The following SFMBT2 variants were observed in gnomAD, a reference collection of about 807,000 sequenced individuals.
SFMBT2 encodes scm-like with four MBT domains protein 2.
A neutral mutation model predicts 110.1 loss-of-function variants in SFMBT2; 38 were observed. That is an observed-to-expected ratio of 0.35 (90% CI 0.27 to 0.45). The LOEUF (loss-of-function observed/expected upper bound fraction) is 0.45. SFMBT2 is among the 20% of genes least tolerant of loss of function. The pLI, the probability that SFMBT2 is intolerant of heterozygous loss-of-function variation, is 1.00. For missense variants in SFMBT2, 1,011 were observed against 1,094.9 expected (o/e 0.92, Z 1.08); for synonymous variants, 425 against 425.4 (o/e 1.00, Z 0.01).
At chr10:7,387,872 C>T (rs1845656902) in intron 1 of SFMBT2, among the ~76,000 whole-genome samples, 1 of 150,566 alleles carries the variant, frequency 6.6e-6, no homozygotes, top group East Asian at 1.9e-4. Flanking sequence ...TGCTTGAACC[C>T]GGGAGGCAGA....
intron 15 of SFMBT2, among the ~76,000 whole-genome samples, chr10:7,196,595 A>G (rs1046690174): frequency 1.3e-5 from 2 of 152,214 alleles, no homozygotes; most frequent in African/African-American, 4.8e-5. Flanking sequence ...CAGAAGGCAG[A>G]GCCTATTTCT....
intron 1 of SFMBT2, among the ~76,000 whole-genome samples, chr10:7,406,069 G>T (rs1846202975): frequency 6.6e-6 from 1 of 151,378 alleles, no homozygotes. Flanking sequence ...TGCCATTTTG[G>T]TACAAAAACC....
intron 4 of SFMBT2, among the ~76,000 whole-genome samples, chr10:7,363,437 C>T (rs1844790421): frequency 6.6e-6 from 1 of 152,010 alleles, no homozygotes; most frequent in Non-Finnish European, 1.5e-5. Flanking sequence ...CAACCTTTGC[C>T]TCCTGGGTTC....
At chr10:7,272,018 C>T (rs566955193) in intron 7 of SFMBT2, among the ~76,000 whole-genome samples, 32 of 152,182 alleles carry the variant, frequency 2.1e-4, no homozygotes, top group South Asian at 1.0e-3. Context: ...GTACAAAGGG[C>T]GTTACAGAAA....
At chr10:7,321,808 G>C (rs1268382101) in intron 4 of SFMBT2, among the ~76,000 whole-genome samples, 2 of 152,178 alleles carry the variant, frequency 1.3e-5, no homozygotes, top group African/African-American at 4.8e-5. Context: ...ACTCAGCACT[G>C]AGTCCATCCA....
intron 2 of SFMBT2, among the ~76,000 whole-genome samples, chr10:7,372,907 G>A (rs1334164032): frequency 6.6e-6 from 1 of 152,214 alleles, no homozygotes; most frequent in African/African-American, 2.4e-5. Context: ...GCCCTAGCCT[G>A]TGTCAGTAAC....
chr10:7,325,453 A>G (rs1461571233), intron 4 of SFMBT2, among the ~76,000 whole-genome samples: 1 of 152,188 alleles, frequency 6.6e-6, no homozygotes, highest in Non-Finnish European at 1.5e-5. Flanking sequence ...CTGCTTAGTC[A>G]TCACCTCTGT....
At chr10:7,292,821 C>T (rs1035977570) in intron 4 of SFMBT2, among the ~76,000 whole-genome samples, 4 of 151,880 alleles carry the variant, frequency 2.6e-5, no homozygotes, top group African/African-American at 7.3e-5. Flanking sequence ...GTTCAAGACC[C>T]GTCTCTACTA....
chr10:7,199,558 G>T (rs1430137813), intron 14 of SFMBT2, among the ~76,000 whole-genome samples: 1 of 152,114 alleles, frequency 6.6e-6, no homozygotes, highest in Non-Finnish European at 1.5e-5. Flanking sequence ...ACTATGAAAG[G>T]GTAGCTGTCA....
chr10:7,342,396 C>CTTT lies in SFMBT2; in HGVS notation c.436+25250_436+25252dup, dbSNP rs71382101. Among the ~76,000 whole-genome samples, 604 of 69,642 alleles carry CTTT rather than the reference C, an allele frequency of 8.7e-3. 116 individuals are homozygous for CTTT. Among genetic ancestry groups the CTTT allele is most frequent in the African/African-American group, 0.021 (390 of 18,850 alleles). 45.7% of individuals were successfully genotyped at this position (69,642 alleles called of 152,430 possible). On this transcript the variant is annotated intron_variant, in intron 4 of 20. Coordinates refer to ENST00000397167, the MANE Select transcript of SFMBT2 (RefSeq NM_001387889.1). ...ATTTAGGAATTGCACTGGAGTGAGT[C>CTTT]TTTTTTTTTTTTTTTTTTTTTTTTT...
intron 4 of SFMBT2, among the ~76,000 whole-genome samples, chr10:7,351,774 C>T (rs1844325646): frequency 6.6e-6 from 1 of 151,952 alleles, no homozygotes. Context: ...AGACACTGTA[C>T]CCGTGTGGCT....
intron 4 of SFMBT2, chr10:7,286,447 G>T: frequency 1.2e-6 from 1 of 855,264 alleles, no homozygotes; most frequent in Non-Finnish European, 1.4e-6. Flanking sequence ...GAGAAATAGA[G>T]AAATGGGGAG....
rs1837836191 is a variant in SFMBT2 at position 7,170,327 on chromosome 10, A to G, written c.2544+601T>C. On this transcript the variant is annotated intron_variant, in intron 20 of 20. Transcript: ENST00000397167. The surrounding 1 kb of genome is among the most constrained non-coding windows in gnomAD (Gnocchi z 4.6). ...CAACCAAAACCAGTTCTCTCCAGACAAAGGCCTGGCCAAGGGGTGGCCCAG... is the reference window on the plus strand; with the variant it reads ...CAACCAAAACCAGTTCTCTCCAGACGAAGGCCTGGCCAAGGGGTGGCCCAG... 6.6e-6 allele frequency among the ~76,000 whole-genome samples: 1 copy of G among 152,236 alleles called. No homozygotes were observed. The highest frequency in any genetic ancestry group is 2.1e-4 in the South Asian group (1 of 4,830).
Position 7,171,342 on chromosome 10 carries a change from C to A in SFMBT2, c.2416-286G>T. On this transcript the variant is annotated intron_variant, in intron 19 of 20. Coordinates refer to ENST00000397167, the MANE Select transcript of SFMBT2 (RefSeq NM_001387889.1). The surrounding 1 kb of genome is among the most constrained non-coding windows in gnomAD (Gnocchi z 4.9). ...AGGAAACCTTGGGCCTGCTTATGAACGAAGCATCTCTGATTAGAGAAAAGA... is the reference window on the plus strand; with the variant it reads ...AGGAAACCTTGGGCCTGCTTATGAAAGAAGCATCTCTGATTAGAGAAAAGA... 2 of 976,720 alleles carry A rather than the reference C, an allele frequency of 2.0e-6. No individual in the cohort carries two copies. Among genetic ancestry groups the A allele is most frequent in the South Asian group, 4.7e-5 (1 of 21,106 alleles). The allele number at this position is 976,720 out of a possible 1,614,324, so 60.5% of individuals were successfully genotyped here.
rs144008167 is a variant in SFMBT2 at position 7,386,612 on chromosome 10, G to A, written c.-51-4663C>T. Among the ~76,000 whole-genome samples the A allele has an allele frequency of 3.8e-3, 575 of 152,176 alleles. 3 individuals are homozygous for A. The highest frequency in any genetic ancestry group is 0.013 in the African/African-American group (548 of 41,500). ...GTCGGAGCAAAAAAAAAAATTCTGTGTATGTGAACCCACTGGTCATTGGTT... is the reference window on the plus strand; with the variant it reads ...GTCGGAGCAAAAAAAAAAATTCTGTATATGTGAACCCACTGGTCATTGGTT... On this transcript the variant is annotated intron_variant, in intron 1 of 20. Coordinates refer to ENST00000397167, the MANE Select transcript of SFMBT2 (RefSeq NM_001387889.1).
chr10:7,354,466 A>G (rs1203257574), intron 4 of SFMBT2, among the ~76,000 whole-genome samples: 1 of 152,140 alleles, frequency 6.6e-6, no homozygotes, highest in African/African-American at 2.4e-5. Flanking sequence ...TTCTCAACCA[A>G]CGTAGGAGAG....
chr10:7,393,196 A>G (rs1214229400), intron 1 of SFMBT2, among the ~76,000 whole-genome samples: 1 of 151,150 alleles, frequency 6.6e-6, no homozygotes, highest in Non-Finnish European at 1.5e-5. Context: ...ACACCTGGCT[A>G]ATGTTTGTAT....
chr10:7,229,985 G>A (rs1381911002), intron 9 of SFMBT2, among the ~76,000 whole-genome samples: 2 of 150,706 alleles, frequency 1.3e-5, no homozygotes, highest in East Asian at 4.0e-4. Context: ...CCAAAGTGCT[G>A]GGATTACAGA....
intron 11 of SFMBT2, among the ~76,000 whole-genome samples, chr10:7,211,067 C>A (rs2692821): frequency 0.64 from 96,467 of 151,824 alleles, 30,935 homozygotes; most frequent in East Asian, 0.87. Context: ...ACTGAGGCAC[C>A]GGAAGAAATC....
Sources: allele counts gnomAD v4.1 joint callset (sites outside exome capture counted in the v4.1 genomes callset), GRCh38; gene constraint gnomAD v4.1.1; non-coding constraint Gnocchi (gnomAD v3.1); transcripts MANE v1.5; gene names NCBI Gene and HGNC (gene_info 2026-07-23, HGNC 2026-07-21).